Variants in RSPRY1 observed in about 807,000 individuals in gnomAD.
RSPRY1 encodes ring finger and SPRY domain containing 1, also known as RING finger and SPRY domain-containing protein 1.
In RSPRY1, 23 loss-of-function variants were observed where a neutral mutation model predicts 73.1. That is an observed-to-expected ratio of 0.31 (90% confidence interval 0.23 to 0.45). The LOEUF (loss-of-function observed/expected upper bound fraction) is 0.45, where lower values mean the gene tolerates loss of function less well. Among genes scored for constraint, RSPRY1 ranks in the 20% least tolerant of loss-of-function variants. The pLI is 1.00. For synonymous variants in RSPRY1, 226 were observed against 251.4 expected, an observed-to-expected ratio of 0.90 and a Z score of 0.95; for missense variants, 448 against 698.7, an observed-to-expected ratio of 0.64 and a Z score of 4.05.
At chr16:57,226,876 T>C (rs1356771514) in intron 10 of RSPRY1, among the ~76,000 whole-genome samples, 1 of 152,006 alleles carries the variant, frequency 6.6e-6, no homozygotes, top group African/African-American at 2.4e-5. Flanking sequence ...CAAGATGGAG[T>C]CTCTCTGGTT....
At chr16:57,215,097 A>G (rs1403478219) in intron 6 of RSPRY1, among the ~76,000 whole-genome samples, 1 of 151,898 alleles carries the variant, frequency 6.6e-6, no homozygotes, top group Non-Finnish European at 1.5e-5. Context: ...CATGAAAGTC[A>G]GACTTCCTGA....
At chr16:57,229,589 A>T (rs533585532) in intron 11 of RSPRY1, among the ~76,000 whole-genome samples, 2 of 150,758 alleles carry the variant, frequency 1.3e-5, no homozygotes, top group Admixed American at 1.3e-4. Flanking sequence ...ACTGCACTCC[A>T]GCCTGGGTAA....
intron 1 of RSPRY1, among the ~76,000 whole-genome samples, chr16:57,188,167 A>G (rs1296042356): frequency 2.0e-5 from 3 of 152,196 alleles, no homozygotes; most frequent in Non-Finnish European, 4.4e-5. Flanking sequence ...TTTCTCTTGC[A>G]CAGTGGTTCT....
At chr16:57,201,951 AAGAGAG>A (rs1275432358) in intron 1 of RSPRY1, among the ~76,000 whole-genome samples, 4 of 151,782 alleles carry the variant, frequency 2.6e-5, no homozygotes, top group Non-Finnish European at 5.9e-5. Flanking sequence ...AGACCGTGGA[AAGAGAG>A]AGAGAGGGAG....
chr16:57,224,411 C>T (rs1181699024), intron 10 of RSPRY1: 4 of 152,196 alleles, frequency 2.6e-5, no homozygotes, highest in African/African-American at 9.7e-5. Context: ...GTGTCCACCA[C>T]GTGGGAAAGA....
chr16:57,208,988 C>G, intron 3 of RSPRY1, 87 bp from the exon 4 acceptor site: 1 of 877,642 alleles, frequency 1.1e-6, no homozygotes, highest in Non-Finnish European at 1.8e-6. Context: ...AAAAGTCTTT[C>G]TTTTAATGTG....
intron 1 of RSPRY1, among the ~76,000 whole-genome samples, chr16:57,200,042 G>A (rs1254255020): frequency 6.8e-6 from 1 of 146,784 alleles, no homozygotes; most frequent in Admixed American, 6.8e-5. Context: ...CCTAGGCAGA[G>A]GACCCTGCGG....
intron 1 of RSPRY1, among the ~76,000 whole-genome samples, chr16:57,193,043 A>G (rs1567481387): frequency 1.3e-5 from 2 of 151,918 alleles, no homozygotes; most frequent in Admixed American, 6.5e-5. Context: ...AGAAAAAAAT[A>G]CCTACTTTCA....
chr16:57,196,976 T>C (rs1358999017), intron 1 of RSPRY1, among the ~76,000 whole-genome samples: 2 of 152,182 alleles, frequency 1.3e-5, no homozygotes, highest in Non-Finnish European at 2.9e-5. Flanking sequence ...AATTAGGACG[T>C]GTATCAGTAA....
chr16:57,232,764 A>G (rs1389030639), intron 13 of RSPRY1, among the ~76,000 whole-genome samples: 1 of 152,218 alleles, frequency 6.6e-6, no homozygotes, highest in Non-Finnish European at 1.5e-5. Flanking sequence ...TGGGCAGCTT[A>G]TACATACTCT....
At chr16:57,208,301 C>CCTTTTTTT (rs2074764681) in intron 3 of RSPRY1, among the ~76,000 whole-genome samples, 191 bp downstream of exon 3, 1 of 122,824 alleles carries the variant, frequency 8.1e-6, no homozygotes, top group Non-Finnish European at 1.6e-5. Context: ...GCATATTATA[C>CCTTTTTTT]CTTTTTTTTT....
chr16:57,190,348 A>G (rs538069817), intron 1 of RSPRY1, among the ~76,000 whole-genome samples: 1 of 152,272 alleles, frequency 6.6e-6, no homozygotes, highest in South Asian at 2.1e-4. Flanking sequence ...ACAGAGCAAC[A>G]CCCTGTCTCA....
intron 1 of RSPRY1, among the ~76,000 whole-genome samples, chr16:57,199,412 AACGTGGGAG>A: frequency 6.6e-6 from 1 of 152,198 alleles, no homozygotes; most frequent in Non-Finnish European, 1.5e-5. Context: ...GAATCACTTG[AACGTGGGAG>A]GCAGAGGTTG....
intron 8 of RSPRY1, among the ~76,000 whole-genome samples, chr16:57,217,963 G>A (rs570100030): frequency 1.3e-5 from 2 of 152,344 alleles, no homozygotes; most frequent in South Asian, 4.1e-4. Flanking sequence ...GGGAATGGAA[G>A]CATAAATCTA....
intron 10 of RSPRY1, among the ~76,000 whole-genome samples, chr16:57,224,660 A>C (rs1247785189): frequency 1.3e-5 from 2 of 152,216 alleles, no homozygotes; most frequent in Admixed American, 6.5e-5. Context: ...TCTGAGATGT[A>C]AGCTTAAGAG....
rs191113490 is a variant in RSPRY1, at chr16:57,238,955, C to T, written c.1711C>T (p.Gln571Ter). The change falls in exon 15 of 15, where the codon CAG becomes TAG. Residue 571 changes from glutamine to a stop codon, truncating the protein, a stop_gained. Transcript: ENST00000394420. LOFTEE classifies it high-confidence loss of function. ...CRKEIVSRIR[Q>*]ISHIS Reference sequence around the variant, plus strand: ...TAAAGAAATAGTATCTAGAATCAGACAGATTTCTCATATTTCATGACACAT... The same window carrying T: ...TAAAGAAATAGTATCTAGAATCAGATAGATTTCTCATATTTCATGACACAT... The T allele has an allele frequency of 1.3e-6, 2 of 1,598,576 alleles. No individual in the cohort carries two copies. The highest frequency in any genetic ancestry group is 1.7e-6 in the Non-Finnish European group (2 of 1,168,848).
rs199503092 is a variant in RSPRY1, at chr16:57,216,836, T to TG, written c.770-68_770-67insG. On this transcript the variant is annotated intron_variant, in intron 7 of 14. Coordinates refer to ENST00000394420, the MANE Select transcript of RSPRY1 (RefSeq NM_133368.3). The stretch of plus-strand genomic sequence containing the variant: ...ATTGCCTCTTCCCCCTCCTTAGCAA[T>TG]ACTAATTTGCTGAGCAAATCATTCT... The TG allele has an allele frequency of 2.3e-3, 3,354 of 1,456,608 alleles. 48 individuals carry two copies. The Admixed American group carries it at 0.033, about 14-fold the overall frequency. 90.2% of individuals were successfully genotyped at this position (1,456,608 alleles called of 1,614,324 possible).
intron 1 of RSPRY1, among the ~76,000 whole-genome samples, chr16:57,199,924 T>G (rs2074534515): frequency 6.7e-6 from 1 of 149,312 alleles, no homozygotes; most frequent in Non-Finnish European, 1.5e-5. Flanking sequence ...TTTTTTTTTT[T>G]TTTTATTGAT....
intron 4 of RSPRY1, among the ~76,000 whole-genome samples, chr16:57,209,791 C>T (rs1364184511): frequency 6.6e-6 from 1 of 152,142 alleles, no homozygotes; most frequent in Admixed American, 6.5e-5. Flanking sequence ...CCTCCCACCT[C>T]AGCCTCCCAT....
Sources: allele counts gnomAD v4.1 joint callset (sites outside exome capture counted in the v4.1 genomes callset), GRCh38; gene constraint gnomAD v4.1.1; transcripts MANE v1.5; gene names NCBI Gene and HGNC (gene_info 2026-07-23, HGNC 2026-07-21).